Variants in BMP5 observed in about 807,000 individuals in gnomAD.
BMP5 encodes bone morphogenetic protein 5.
BMP5 carries 23 observed loss-of-function variants against 46.6 expected under a neutral mutation model. That is an observed-to-expected ratio of 0.49 (90% CI 0.35 to 0.70). The LOEUF is 0.70. BMP5 is among the 30% of genes least tolerant of loss of function. The probability of loss-of-function intolerance (pLI) is 0.00; values close to 1 mark genes in which losing one functional copy is unlikely to be tolerated. For synonymous variants in BMP5, 204 were observed against 191.9 expected, an observed-to-expected ratio of 1.06 and a Z score of -0.52; for missense variants, 545 against 565.6, an observed-to-expected ratio of 0.96 and a Z score of 0.37.
At chr6:55,794,577 A>G (rs1775660357) in intron 2 of BMP5, 150 bp from the exon 3 acceptor site, 2 of 756,124 alleles carry the variant, frequency 2.6e-6, no homozygotes, top group East Asian at 2.7e-5. Flanking sequence ...GTGATGAGTA[A>G]TAAGATACAA....
At chr6:55,841,150 G>A (rs142218568) in intron 1 of BMP5, among the ~76,000 whole-genome samples, 108 of 152,264 alleles carry the variant, frequency 7.1e-4, no homozygotes, top group African/African-American at 2.1e-3. Flanking sequence ...GGTTCATAGC[G>A]AAACCATCCC....
At chr6:55,862,336 A>G (rs1172818385) in intron 1 of BMP5, among the ~76,000 whole-genome samples, 1 of 152,142 alleles carries the variant, frequency 6.6e-6, no homozygotes, top group Non-Finnish European at 1.5e-5. Flanking sequence ...AATCCCCAAT[A>G]CCGTAAGTAG....
intron 1 of BMP5, among the ~76,000 whole-genome samples, chr6:55,872,373 A>G (rs1256937638): frequency 1.3e-5 from 2 of 151,700 alleles, no homozygotes; most frequent in African/African-American, 2.4e-5. Context: ...ATAAACACAC[A>G]GTTTCTCTAA....
rs746165516 is a variant in BMP5 at position 55,754,805 on chromosome 6, T to G, written c.*728A>C. 6.6e-6 allele frequency: 1 copy of G among 152,034 alleles called. No individual in the cohort carries two copies. Among genetic ancestry groups the G allele is most frequent in the South Asian group, 2.1e-4 (1 of 4,828 alleles). 9.4% of individuals were successfully genotyped at this position (152,034 alleles called of 1,614,324 possible). On this transcript the variant is annotated 3_prime_UTR_variant, in exon 7 of 7. Coordinates refer to ENST00000370830, the MANE Select transcript of BMP5 (RefSeq NM_021073.4). Reference sequence around the variant, plus strand: ...TTGAGGTAAGAAGGTTGTACTACAATTAGTGTTAACTTGGAAAGCTATGGA... The same window carrying G: ...TTGAGGTAAGAAGGTTGTACTACAAGTAGTGTTAACTTGGAAAGCTATGGA...
intron 2 of BMP5, among the ~76,000 whole-genome samples, chr6:55,803,052 A>G (rs1484320412): frequency 6.6e-6 from 1 of 150,598 alleles, no homozygotes; most frequent in Non-Finnish European, 1.5e-5. Context: ...TTGGGAGGCC[A>G]AGGTGAGCAG....
chr6:55,843,282 T>A (rs976053415), intron 1 of BMP5, among the ~76,000 whole-genome samples: 1 of 152,094 alleles, frequency 6.6e-6, no homozygotes, highest in Admixed American at 6.6e-5. Context: ...CATAGAGGCA[T>A]ACAGTTTTTT....
At chr6:55,793,630 C>T (rs1334118654) in intron 3 of BMP5, among the ~76,000 whole-genome samples, 1 of 152,188 alleles carries the variant, frequency 6.6e-6, no homozygotes, top group Non-Finnish European at 1.5e-5. Context: ...AGAATTACTT[C>T]TGGACCTTCT....
chr6:55,774,031 G>T lies in BMP5; in HGVS notation c.1027+18C>A, dbSNP rs990042383. On this transcript the variant is annotated intron_variant, in intron 4 of 6. Transcript: ENST00000370830. ...CCATAACTCTCTGTGCATAACTGCT[G>T]CTCGGGTTTATTCTTACCTCCAACA... 2.5e-6 allele frequency: 4 copies of T among 1,610,982 alleles called. No homozygotes were observed. The highest frequency in any genetic ancestry group is 2.5e-6 in the Non-Finnish European group (3 of 1,178,354).
At position 55,755,654 on chromosome 6, in the gene BMP5, G is replaced by A; in HGVS notation, c.1244C>T (p.Pro415Leu). 1 of 1,612,256 alleles carries A rather than the reference G, an allele frequency of 6.2e-7. No homozygotes were observed. Among genetic ancestry groups the A allele is most frequent in the Non-Finnish European group, 8.5e-7 (1 of 1,178,830 alleles). Residue 415 changes from proline (P) to leucine (L), a missense_variant, in exon 7 of 7, where the codon CCA becomes CTA. Coordinates refer to ENST00000370830, the MANE Select transcript of BMP5 (RefSeq NM_021073.4). ...TTTGGTTGGAGCACAACAAGGCTTT[G>A]GTACGTGGTCAGGAAACATCAGATG... ...LVHLMFPDHVPKPCCAPTKLN... is the reference protein window; with the variant it reads ...LVHLMFPDHVLKPCCAPTKLN...
In BMP5 at chr6:55,854,530, A is replaced by T. The variant is rs140242066; in HGVS notation, c.490+19846T>A. Among the ~76,000 whole-genome samples the T allele has an allele frequency of 6.8e-3, 1,029 of 152,164 alleles. 12 individuals carry two copies. The highest frequency in any genetic ancestry group is 0.049 in the Middle Eastern group (14 of 288). On this transcript the variant is annotated intron_variant, in intron 1 of 6. Coordinates refer to ENST00000370830, the MANE Select transcript of BMP5 (RefSeq NM_021073.4). ...CATATATATTTATCATTCAATAAAG[A>T]TAATTTTCACTGTATTTTCTTTTTA...
At chr6:55,787,654 T>C (rs12209573) in intron 3 of BMP5, among the ~76,000 whole-genome samples, 32,096 of 151,436 alleles carry the variant, frequency 0.21, 3,480 homozygotes, top group Non-Finnish European at 0.23. Context: ...AGTTGTCAAT[T>C]ACTGGGAATG....
At chr6:55,850,447 C>G (rs1221402860) in intron 1 of BMP5, among the ~76,000 whole-genome samples, 2 of 151,898 alleles carry the variant, frequency 1.3e-5, no homozygotes, top group Non-Finnish European at 2.9e-5. Context: ...AGATCCCTAC[C>G]TAGGATATAT....
chr6:55,828,983 T>C (rs141399339), intron 1 of BMP5, among the ~76,000 whole-genome samples: 54 of 151,956 alleles, frequency 3.6e-4, no homozygotes, highest in Admixed American at 1.3e-3. Context: ...TACATGGATG[T>C]ATAATCACAA....
intron 1 of BMP5, among the ~76,000 whole-genome samples, chr6:55,841,940 G>C (rs967626211): frequency 6.6e-6 from 1 of 151,956 alleles, no homozygotes; most frequent in Non-Finnish European, 1.5e-5. Flanking sequence ...GAGAGAGAGA[G>C]AGATTTTTCT....
At position 55,843,671 on chromosome 6, in the gene BMP5, A is replaced by T. The variant is rs188472589; in HGVS notation, c.491-23824T>A. 2.3e-3 allele frequency among the ~76,000 whole-genome samples: 352 copies of T among 152,192 alleles called. 1 individual carries two copies. The highest frequency in any genetic ancestry group is 3.5e-3 in the Non-Finnish European group (241 of 67,946). On this transcript the variant is annotated intron_variant, in intron 1 of 6. Coordinates refer to ENST00000370830, the MANE Select transcript of BMP5 (RefSeq NM_021073.4). ...TAATCTGAGATTAAGGGAAAAAATA[A>T]TCTGAAATAGGAGAAACTTTCTGGT...
intron 2 of BMP5, among the ~76,000 whole-genome samples, chr6:55,809,300 C>T (rs1021665961): frequency 1.3e-5 from 2 of 152,118 alleles, no homozygotes; most frequent in Admixed American, 1.3e-4. Context: ...ATTATTCTTG[C>T]ATCCAACTCA....
At chr6:55,834,343 G>A (rs1487612169) in intron 1 of BMP5, among the ~76,000 whole-genome samples, 1 of 151,992 alleles carries the variant, frequency 6.6e-6, no homozygotes, top group African/African-American at 2.4e-5. Context: ...TCTGAGAAAA[G>A]AATTCAATAA....
intron 1 of BMP5, among the ~76,000 whole-genome samples, chr6:55,822,869 A>T (rs945904326): frequency 5.9e-5 from 9 of 152,120 alleles, no homozygotes; most frequent in Non-Finnish European, 1.0e-4. Flanking sequence ...TATATTAAAT[A>T]TACCACACAG....
chr6:55,853,467 C>G (rs930240779), intron 1 of BMP5, among the ~76,000 whole-genome samples: 1 of 151,974 alleles, frequency 6.6e-6, no homozygotes, highest in Admixed American at 6.6e-5. Context: ...GAGCAAGCCC[C>G]TCTGGGTTCA....
Sources: gnomAD v4.1 joint callset for allele counts (sites outside exome capture counted in the v4.1 genomes callset) on GRCh38, gnomAD v4.1.1 for gene constraint, MANE v1.5 for transcripts, NCBI Gene and HGNC (gene_info 2026-07-23, HGNC 2026-07-21) for gene names.